ALDH1A2: variants seen among roughly 807,000 people sequenced by gnomAD.
ALDH1A2 encodes retinal dehydrogenase 2.
In ALDH1A2, 27 loss-of-function variants were observed where a neutral mutation model predicts 60.3. The ratio of observed to expected loss-of-function variants is 0.45; its 90% CI spans 0.33 to 0.62. The LOEUF is 0.62. ALDH1A2 is among the 20% of genes least tolerant of loss of function. The pLI, the probability that ALDH1A2 is intolerant of heterozygous loss-of-function variation, is 0.02. For missense variants in ALDH1A2, 581 were observed against 643.8 expected, an observed-to-expected ratio of 0.90 and a Z score of 1.06; for synonymous variants, 289 against 232.4, an observed-to-expected ratio of 1.24 and a Z score of -2.21.
In ALDH1A2 at chr15:58,015,077, C is replaced by T. The variant is rs185513732; in HGVS notation, c.118-796G>A. On this transcript the variant is annotated intron_variant, in intron 1 of 12. Coordinates refer to ENST00000249750, the MANE Select transcript of ALDH1A2 (RefSeq NM_003888.4). ...GAAAAGGCCAGAAAAATTTTAAATTCTTATTGAGTGAGAAACCTAAACTAA... is the reference window on the plus strand; with the variant it reads ...GAAAAGGCCAGAAAAATTTTAAATTTTTATTGAGTGAGAAACCTAAACTAA... 1.6e-3 allele frequency among the ~76,000 whole-genome samples: 245 copies of T among 152,238 alleles called. 3 individuals carry two copies. Among genetic ancestry groups the T allele is most frequent in the Non-Finnish European group, 3.1e-3 (212 of 67,990 alleles).
At chr15:58,031,519 T>C (rs916486743) in intron 1 of ALDH1A2, among the ~76,000 whole-genome samples, 9 of 152,000 alleles carry the variant, frequency 5.9e-5, no homozygotes, top group East Asian at 1.9e-4. Context: ...CAAATGGGAT[T>C]TAATTAGACT....
intron 7 of ALDH1A2, among the ~76,000 whole-genome samples, chr15:57,991,881 T>C (rs1894906169): frequency 6.6e-6 from 1 of 152,212 alleles, no homozygotes; most frequent in South Asian, 2.1e-4. Context: ...CAGACTTTCC[T>C]ATCATCTGTT....
At chr15:58,003,702 G>A (rs774820815) in intron 4 of ALDH1A2, among the ~76,000 whole-genome samples, 2 of 151,826 alleles carry the variant, frequency 1.3e-5, no homozygotes, top group African/African-American at 2.4e-5. Context: ...TCACAAAGAG[G>A]TTGTAGACGT....
chr15:58,000,035 C>G (rs927795972), intron 4 of ALDH1A2, among the ~76,000 whole-genome samples: 6 of 151,734 alleles, frequency 4.0e-5, no homozygotes, highest in Non-Finnish European at 4.4e-5. Flanking sequence ...AGGGGAACAA[C>G]AGACATTGGC....
At chr15:58,058,389 T>C (rs1744528165) in intron 1 of ALDH1A2, among the ~76,000 whole-genome samples, 1 of 151,502 alleles carries the variant, frequency 6.6e-6, no homozygotes, top group Non-Finnish European at 1.5e-5. Flanking sequence ...GTAATTCCAT[T>C]CTTCTTGTGG....
At chr15:57,984,425 G>C (rs575321653) in intron 7 of ALDH1A2, among the ~76,000 whole-genome samples, 3 of 152,104 alleles carry the variant, frequency 2.0e-5, no homozygotes, top group Non-Finnish European at 4.4e-5. Context: ...CAATTCAGTG[G>C]ATTTTAGTAT....
At chr15:58,007,665 C>A (rs1895503288) in intron 4 of ALDH1A2, among the ~76,000 whole-genome samples, 1 of 151,892 alleles carries the variant, frequency 6.6e-6, no homozygotes, top group African/African-American at 2.4e-5. Context: ...AAATTCTATG[C>A]AAATATAAAG....
At chr15:57,973,271 C>G (rs1596073530) in intron 7 of ALDH1A2, among the ~76,000 whole-genome samples, 1 of 152,178 alleles carries the variant, frequency 6.6e-6, no homozygotes, top group African/African-American at 2.4e-5. Context: ...TTTACATGCA[C>G]TGCTTATGTA....
intron 4 of ALDH1A2, among the ~76,000 whole-genome samples, chr15:58,004,594 G>C (rs894479191): frequency 6.6e-6 from 1 of 151,164 alleles, no homozygotes; most frequent in African/African-American, 2.4e-5. Flanking sequence ...CTGTTTCTGG[G>C]TTATTTCACT....
chr15:58,031,938 T>A (rs1220946938), intron 1 of ALDH1A2, among the ~76,000 whole-genome samples: 2 of 152,154 alleles, frequency 1.3e-5, no homozygotes, highest in Non-Finnish European at 2.9e-5. Flanking sequence ...ATTGTGGAAG[T>A]CAGCGTGGCG....
intron 12 of ALDH1A2, among the ~76,000 whole-genome samples, chr15:57,957,878 C>T (rs1893581885): frequency 6.6e-6 from 1 of 151,896 alleles, no homozygotes; most frequent in East Asian, 1.9e-4. Flanking sequence ...TCCAGACCAT[C>T]AGCATCAGAG....
At chr15:58,058,468 CA>C (rs1188637852) in intron 1 of ALDH1A2, among the ~76,000 whole-genome samples, 1,517 of 23,574 alleles carry the variant, frequency 0.064, 7 homozygotes, top group Non-Finnish European at 0.076. Flanking sequence ...AAATGATATT[CA>C]AAAAAAAAAA....
chr15:57,961,357 T>C (rs1893714244), intron 10 of ALDH1A2, 63 bp from the exon 11 acceptor site: 17 of 1,579,408 alleles, frequency 1.1e-5, no homozygotes, highest in Non-Finnish European at 1.2e-5. Flanking sequence ...CTTTCCACAT[T>C]TCAATGCAAG....
intron 1 of ALDH1A2, among the ~76,000 whole-genome samples, chr15:58,052,532 C>T (rs1169771214): frequency 6.6e-6 from 1 of 152,060 alleles, no homozygotes; most frequent in Admixed American, 6.5e-5. Context: ...GTGGCGCAAT[C>T]TCGGCTCAGT....
intron 1 of ALDH1A2, among the ~76,000 whole-genome samples, chr15:58,052,143 T>G (rs1226148685): frequency 1.3e-5 from 2 of 152,160 alleles, no homozygotes; most frequent in African/African-American, 4.8e-5. Flanking sequence ...CGAGAATCAT[T>G]AACAGGGATT....
intron 4 of ALDH1A2, among the ~76,000 whole-genome samples, chr15:58,008,458 C>G (rs1435097156): frequency 6.6e-6 from 1 of 152,020 alleles, no homozygotes. Flanking sequence ...CCAACCACCT[C>G]TATTGCCAGA....
intron 7 of ALDH1A2, among the ~76,000 whole-genome samples, chr15:57,966,944 C>T (rs777491700): frequency 2.0e-5 from 3 of 152,152 alleles, no homozygotes; most frequent in Non-Finnish European, 2.9e-5. Context: ...AGAGCAGAGC[C>T]GCCATATAGT....
At chr15:57,992,875 A>G (rs1273955870) in intron 6 of ALDH1A2, 57 bp from the exon 7 acceptor site, 32 of 1,613,794 alleles carry the variant, frequency 2.0e-5, no homozygotes, top group Non-Finnish European at 2.7e-5. Flanking sequence ...ATCATGTTAA[A>G]TGAGATATGC....
At chr15:58,032,104 C>G (rs1292357908) in intron 1 of ALDH1A2, among the ~76,000 whole-genome samples, 11 of 152,074 alleles carry the variant, frequency 7.2e-5, no homozygotes, top group African/African-American at 2.2e-4. Context: ...TGGAACCAAC[C>G]CAAATGTCCA....
Sources: gnomAD v4.1 joint callset for allele counts (sites outside exome capture counted in the v4.1 genomes callset) on GRCh38, gnomAD v4.1.1 for gene constraint, MANE v1.5 for transcripts, NCBI Gene and HGNC (gene_info 2026-07-23, HGNC 2026-07-21) for gene names.